The following CYRIA variants were observed in gnomAD, a reference collection of about 807,000 sequenced individuals.
The protein encoded by CYRIA is CYFIP-related Rac1 interactor A.
A neutral mutation model predicts 43.9 loss-of-function variants in CYRIA; 15 were observed. The observed-to-expected ratio is 0.34, with a 90% confidence interval of 0.23 to 0.53. The LOEUF (loss-of-function observed/expected upper bound fraction) is 0.53. Among genes scored for constraint, CYRIA ranks in the 20% least tolerant of loss-of-function variants. The pLI is 0.94. For missense variants in CYRIA, 236 were observed against 394.2 expected, an observed-to-expected ratio of 0.60 and a Z score of 3.40; for synonymous variants, 117 against 136.0, an observed-to-expected ratio of 0.86 and a Z score of 0.97.
chr2:16,568,237 A>AAC lies in CYRIA; in HGVS notation c.71-2471_71-2470insGT, dbSNP rs1389488023. 3.6e-4 allele frequency among the ~76,000 whole-genome samples: 55 copies of AAC among 151,622 alleles called. 1 individual carries two copies. The highest frequency in any genetic ancestry group is 1.3e-3 in the African/African-American group (55 of 41,370). On this transcript the variant is annotated intron_variant, in intron 3 of 11. Coordinates refer to ENST00000381323, the MANE Select transcript of CYRIA (RefSeq NM_030797.4). ...ACTATTTCAAAATCAGAAAAAAAAA[A>AAC]AAAAAAAAAAAACCCAAATCTGAAA...
intron 1 of CYRIA, among the ~76,000 whole-genome samples, chr2:16,654,530 T>C (rs924171940): frequency 7.9e-5 from 12 of 152,204 alleles, no homozygotes; most frequent in African/African-American, 2.4e-4. Context: ...CTGGAAGCAG[T>C]GCGAGCTGTG....
chr2:16,635,957 G>A (rs945779618), intron 1 of CYRIA, among the ~76,000 whole-genome samples: 10 of 152,114 alleles, frequency 6.6e-5, no homozygotes, highest in African/African-American at 2.2e-4. Context: ...CAGAAACAGC[G>A]TTGGATAAGA....
In CYRIA at chr2:16,621,003, C is replaced by T. The variant is rs551038124; in HGVS notation, c.-11+2861G>A. On this transcript the variant is annotated intron_variant, in intron 2 of 11. Coordinates refer to ENST00000381323, the MANE Select transcript of CYRIA (RefSeq NM_030797.4). The stretch of plus-strand genomic sequence containing the variant: ...GGGTCAGGGACTCCTCCTCTGAGCT[C>T]CCCAAGCACCCATTCCTAATGCAAC... Among the ~76,000 whole-genome samples the T allele has an allele frequency of 2.5e-3, 382 of 152,302 alleles. 5 individuals are homozygous for T. The highest frequency in any genetic ancestry group is 8.8e-3 in the African/African-American group (365 of 41,570).
At chr2:16,621,641 G>A (rs1390455748) in intron 2 of CYRIA, among the ~76,000 whole-genome samples, 1 of 152,100 alleles carries the variant, frequency 6.6e-6, no homozygotes, top group Non-Finnish European at 1.5e-5. Context: ...ACTGGGTAAA[G>A]CCCAAGTGCA....
chr2:16,551,006 G>A lies in CYRIA; in HGVS notation c.*1930C>T, dbSNP rs1666288866. The A allele has an allele frequency of 6.6e-6, 1 of 152,096 alleles. No homozygotes were observed. Among genetic ancestry groups the A allele is most frequent in the Non-Finnish European group, 1.5e-5 (1 of 67,996 alleles). 9.4% of individuals were successfully genotyped at this position (152,096 alleles called of 1,614,324 possible). ...GGTTTAGAATCTGTAGGTTCAAAAA[G>A]GTCTTGAAGACCACCTAGCATATTT... On this transcript the variant is annotated 3_prime_UTR_variant, in exon 12 of 12. Transcript: ENST00000381323.
At chr2:16,662,798 G>T (rs375149599) in intron 1 of CYRIA, among the ~76,000 whole-genome samples, 1 of 152,134 alleles carries the variant, frequency 6.6e-6, no homozygotes, top group African/African-American at 2.4e-5. Context: ...AACCCTCATG[G>T]GTGACCTAGT....
At chr2:16,625,816 G>A (rs921407206) in intron 1 of CYRIA, 1 of 151,726 alleles carries the variant, frequency 6.6e-6, no homozygotes, top group Non-Finnish European at 1.5e-5. Context: ...ATCAGGGAGA[G>A]CTATCCCATC....
chr2:16,565,099 A>C (rs1290068758), intron 4 of CYRIA, among the ~76,000 whole-genome samples: 1 of 152,154 alleles, frequency 6.6e-6, no homozygotes, highest in Non-Finnish European at 1.5e-5. Context: ...TGTGTTTGAG[A>C]AGAGAATGGG....
chr2:16,661,222 C>A (rs573091935), intron 1 of CYRIA, among the ~76,000 whole-genome samples: 1 of 152,166 alleles, frequency 6.6e-6, no homozygotes, highest in East Asian at 1.9e-4. Context: ...CTGCAGTGAG[C>A]CATGATGGCA....
rs1234887887 is a variant in CYRIA, at chr2:16,571,314, T to C, written c.71-5547A>G. ...ACCTGAGGCAGGGTGGAAGATTTCA[T>C]TGTGGAGAAGAGTGATATTTATTTA... On this transcript the variant is annotated intron_variant, in intron 3 of 11. Coordinates refer to ENST00000381323, the MANE Select transcript of CYRIA (RefSeq NM_030797.4). Among the ~76,000 whole-genome samples, 10 of 152,198 alleles carry C rather than the reference T, an allele frequency of 6.6e-5. 1 individual carries two copies. The highest frequency in any genetic ancestry group is 5.9e-4 in the Admixed American group (9 of 15,280).
rs146911745 is a variant in CYRIA at position 16,659,746 on chromosome 2, C to T, written c.-167+6034G>A. Among the ~76,000 whole-genome samples, 438 of 152,200 alleles carry T rather than the reference C, an allele frequency of 2.9e-3. 3 individuals are homozygous for T. Among genetic ancestry groups the T allele is most frequent in the African/African-American group, 9.7e-3 (402 of 41,522 alleles). On this transcript the variant is annotated intron_variant, in intron 1 of 11. Coordinates refer to ENST00000381323, the MANE Select transcript of CYRIA (RefSeq NM_030797.4). ...CTTGTCACTCATTGTTCCTCATGAT[C>T]GAAAAATGATTGTGCATTTAATTTT...
In CYRIA at chr2:16,561,433, G is replaced by A. The variant is rs753017274; in HGVS notation, c.513+23C>T. On this transcript the variant is annotated intron_variant, in intron 7 of 11. Coordinates refer to ENST00000381323, the MANE Select transcript of CYRIA (RefSeq NM_030797.4). ...AAGAGTCATGGAGAAGGGTGCAAAG[G>A]TCAAGGCGACCCAGGGACTCACGTG... The A allele has an allele frequency of 5.0e-6, 8 of 1,610,562 alleles. No homozygotes were observed. In the South Asian group the frequency reaches 5.5e-5, roughly 11 times the overall value.
intron 11 of CYRIA, among the ~76,000 whole-genome samples, chr2:16,553,323 C>A (rs1666383344): frequency 6.6e-6 from 1 of 152,078 alleles, no homozygotes; most frequent in Non-Finnish European, 1.5e-5. Flanking sequence ...CCTGCTAACT[C>A]ACAAATTTCA....
intron 1 of CYRIA, among the ~76,000 whole-genome samples, chr2:16,644,863 C>T (rs959929059): frequency 3.3e-5 from 5 of 152,252 alleles, no homozygotes; most frequent in African/African-American, 1.2e-4. Flanking sequence ...GCCCCACCAA[C>T]CCCCCACACA....
intron 1 of CYRIA, among the ~76,000 whole-genome samples, chr2:16,626,259 C>T (rs887837073): frequency 6.6e-5 from 10 of 152,130 alleles, no homozygotes; most frequent in Admixed American, 2.0e-4. Context: ...TACTGGTTCC[C>T]CTACTCCAGC....
chr2:16,623,416 C>T (rs6729627), intron 2 of CYRIA, among the ~76,000 whole-genome samples: 67,751 of 151,950 alleles, frequency 0.45, 15,854 homozygotes, highest in African/African-American at 0.6. Context: ...CTGTAAGCGC[C>T]CTTGGATGAA....
chr2:16,617,332 G>T (rs545399063), intron 2 of CYRIA, among the ~76,000 whole-genome samples: 83 of 152,334 alleles, frequency 5.4e-4, no homozygotes, highest in African/African-American at 1.9e-3. Flanking sequence ...CCCGGACTCT[G>T]CCTACTACCG....
intron 1 of CYRIA, among the ~76,000 whole-genome samples, chr2:16,634,055 A>G (rs956900908): frequency 1.3e-5 from 2 of 152,292 alleles, no homozygotes; most frequent in African/African-American, 4.8e-5. Flanking sequence ...CTAGGAGCAC[A>G]TGACACTGAG....
rs1365166820 is a variant in CYRIA, at chr2:16,580,134, G to T, written c.70+7916C>A. On this transcript the variant is annotated intron_variant, in intron 3 of 11. Transcript: ENST00000381323. ...AATTAATTTTTGTATTTTTTGTAGAGATGAGGTCTCGCTTTGTTGCCCAGA... is the reference window on the plus strand; with the variant it reads ...AATTAATTTTTGTATTTTTTGTAGATATGAGGTCTCGCTTTGTTGCCCAGA... Among the ~76,000 whole-genome samples, 3 of 151,950 alleles carry T rather than the reference G, an allele frequency of 2.0e-5. No individual in the cohort carries two copies. In the East Asian group the frequency reaches 5.8e-4, roughly 29 times the overall value.
Sources: gnomAD v4.1 joint callset for allele counts (sites outside exome capture counted in the v4.1 genomes callset) on GRCh38, gnomAD v4.1.1 for gene constraint, MANE v1.5 for transcripts, NCBI Gene and HGNC (gene_info 2026-07-23, HGNC 2026-07-21) for gene names.